Variants in MARS1 observed in about 807,000 individuals in gnomAD.
MARS1 encodes methionine--tRNA ligase, cytoplasmic.
A neutral mutation model predicts 119.5 loss-of-function variants in MARS1; 80 were observed. The observed-to-expected ratio is 0.67, with a 90% confidence interval of 0.56 to 0.81. MARS1 has a LOEUF of 0.81. MARS1 is among the 30% of genes least tolerant of loss of function. The pLI is 0.00. For missense variants in MARS1, 945 were observed against 1,116.5 expected, an observed-to-expected ratio of 0.85 and a Z score of 2.19; for synonymous variants, 418 against 433.4, an observed-to-expected ratio of 0.96 and a Z score of 0.44.
At chr12:57,511,670 A>C in intron 11 of MARS1, 28 bp from the exon 12 acceptor site, 1 of 1,613,316 alleles carries the variant, frequency 6.2e-7, no homozygotes, top group South Asian at 1.1e-5. Flanking sequence ...GACTTTCCTA[A>C]ATCAGCCCTC....
At chr12:57,500,583 C>G in intron 10 of MARS1, 61 bp downstream of exon 10, 10 of 1,489,632 alleles carry the variant, frequency 6.7e-6, no homozygotes, top group Admixed American at 1.9e-5. Context: ...AAGGGACGCC[C>G]TTCCTGTCCC....
intron 7 of MARS1, among the ~76,000 whole-genome samples, chr12:57,493,718 T>TATA (rs1565640882): frequency 6.6e-5 from 1 of 15,068 alleles, no homozygotes; most frequent in African/African-American, 4.6e-4. Flanking sequence ...TATTATATAT[T>TATA]ATATATTATA....
chr12:57,493,828 ATTATATAT>A (rs1431466426), intron 7 of MARS1, among the ~76,000 whole-genome samples: 17 of 1,272 alleles, frequency 0.013, 3 homozygotes, highest in Non-Finnish European at 0.064. Context: ...TATATATTAT[ATTATATAT>A]TATAATATAT....
intron 7 of MARS1, among the ~76,000 whole-genome samples, chr12:57,497,351 G>T (rs1876684309): frequency 6.6e-6 from 1 of 152,186 alleles, no homozygotes; most frequent in Non-Finnish European, 1.5e-5. Context: ...GCAGCAGCTG[G>T]GAAGAAGGGT....
rs1876152850 is a variant in MARS1, at chr12:57,493,446, TATATAATATATTATAATATATA to T, written c.770+2808_770+2829del. Among the ~76,000 whole-genome samples, 2 of 2,558 alleles carry T rather than the reference TATATAATATATTATAATATATA, an allele frequency of 7.8e-4. 1 individual carries two copies. Among genetic ancestry groups the T allele is most frequent in the Non-Finnish European group, 3.2e-3 (2 of 624 alleles). The allele number at this position is 2,558 out of a possible 152,430, so 1.7% of individuals were successfully genotyped here. ...ATGATATGTATAATATATTACATAATATATAATATATTATAATATATAATATATAATATATAATATATAATAT... is the reference window on the plus strand; with the variant it reads ...ATGATATGTATAATATATTACATAATATATATAATATATAATATATAATAT... On this transcript the variant is annotated intron_variant, in intron 7 of 20. Transcript: ENST00000262027.
At chr12:57,488,488 A>T in intron 1 of MARS1, 1 of 1,356,538 alleles carries the variant, frequency 7.4e-7, no homozygotes. Flanking sequence ...ACCTTCTCCT[A>T]CACCTATCAG....
At position 57,511,796 on chromosome 12, in the gene MARS1, C is replaced by T. The variant is rs1363259038; in HGVS notation, c.1467C>T (p.Gly489=). 2 of 1,614,054 alleles carry T rather than the reference C, an allele frequency of 1.2e-6. No homozygotes were observed. The highest frequency in any genetic ancestry group is 1.7e-6 in the Non-Finnish European group (2 of 1,180,042). The change falls in exon 12 of 21, where the codon GGC becomes GGT. Residue 489 remains glycine, a synonymous_variant. Coordinates refer to ENST00000262027, the MANE Select transcript of MARS1 (RefSeq NM_004990.4). ...QFITRSWLRD[G]LKPRCITRDL... ...TCACCCGTTCTTGGCTTCGGGATGGCCTCAAGCCACGCTGCATAACCCGAG... is the reference window on the plus strand; with the variant it reads ...TCACCCGTTCTTGGCTTCGGGATGGTCTCAAGCCACGCTGCATAACCCGAG...
At chr12:57,494,605 T>C (rs1165539518) in intron 7 of MARS1, among the ~76,000 whole-genome samples, 1 of 150,332 alleles carries the variant, frequency 6.7e-6, no homozygotes, top group East Asian at 2.0e-4. Context: ...GGTCAGCAGA[T>C]AAACATGTGA....
intron 1 of MARS1, chr12:57,488,571 C>G (rs778502496): frequency 3.9e-6 from 6 of 1,550,728 alleles, no homozygotes; most frequent in African/African-American, 1.4e-5. Context: ...GGAAATCCCT[C>G]TCTCCCCTCC....
chr12:57,503,307 C>T (rs1003549677), intron 10 of MARS1, among the ~76,000 whole-genome samples: 1 of 150,260 alleles, frequency 6.7e-6, no homozygotes, highest in Non-Finnish European at 1.5e-5. Context: ...GATCTCAGCT[C>T]AGTGCAATCT....
Position 57,501,046 on chromosome 12 carries a change from CTT to C in MARS1, c.1293+525_1293+526del, listed in dbSNP as rs1355448463. ...GAGTGACTTCTGGGGGAAGATCTAA[CTT>C]AGGTAGATAGGGAAGGCCTTTCAGA... On this transcript the variant is annotated intron_variant, in intron 10 of 20. Transcript: ENST00000262027. 2.6e-5 allele frequency among the ~76,000 whole-genome samples: 4 copies of C among 152,288 alleles called. No homozygotes were observed. In the East Asian group the frequency reaches 7.7e-4, roughly 29 times the overall value.
intron 10 of MARS1, among the ~76,000 whole-genome samples, chr12:57,502,859 C>T (rs1876994389): frequency 6.6e-6 from 1 of 151,732 alleles, no homozygotes; most frequent in African/African-American, 2.4e-5. Context: ...AACTCCATCT[C>T]TACTAAAAAT....
At position 57,493,474 on chromosome 12, in the gene MARS1, TAATATATAATATATAATATATTATAATA is replaced by T. The variant is rs1876171948; in HGVS notation, c.770+2831_770+2858del. Among the ~76,000 whole-genome samples, 8 of 838 alleles carry T rather than the reference TAATATATAATATATAATATATTATAATA, an allele frequency of 9.5e-3. 1 individual carries two copies. Among genetic ancestry groups the T allele is most frequent in the African/African-American group, 0.011 (7 of 662 alleles). The allele number at this position is 838 out of a possible 152,430, so 0.5% of individuals were successfully genotyped here. A position where few individuals can be genotyped will look rare whatever the true frequency, so the allele number is the denominator to read the frequency against. ...ATAATATATTATAATATATAATATA[TAATATATAATATATAATATATTATAATA>T]TATAATATATAATATATAATATATT... On this transcript the variant is annotated intron_variant, in intron 7 of 20. Transcript: ENST00000262027.
intron 18 of MARS1, 80 bp downstream of exon 18, chr12:57,515,416 T>C: frequency 7.2e-7 from 1 of 1,389,510 alleles, no homozygotes; most frequent in Non-Finnish European, 9.8e-7. Flanking sequence ...AGACCTAACA[T>C]CTCTCCAGTG....
chr12:57,512,360 A>G lies in MARS1; in HGVS notation c.1753+7A>G, dbSNP rs117914586. On this transcript the variant is annotated splice_region_variant and intron_variant, in intron 14 of 20. Coordinates refer to ENST00000262027, the MANE Select transcript of MARS1 (RefSeq NM_004990.4). Reference sequence around the variant, plus strand: ...AGCCACCTCATTGCTACAGGTAAGTACCCTGGAAGACTACTGATGGGGTGT... The same window carrying G: ...AGCCACCTCATTGCTACAGGTAAGTGCCCTGGAAGACTACTGATGGGGTGT... 9,284 of 1,586,112 alleles carry G rather than the reference A, an allele frequency of 5.9e-3. 37 individuals carry two copies. Among genetic ancestry groups the G allele is most frequent in the Non-Finnish European group, 7.3e-3 (8,427 of 1,154,648 alleles).
intron 11 of MARS1, among the ~76,000 whole-genome samples, chr12:57,509,573 AT>A (rs1166429491): frequency 6.6e-6 from 1 of 151,696 alleles, no homozygotes; most frequent in Non-Finnish European, 1.5e-5. Context: ...CACCCAGCTA[AT>A]TTTTTTTGTA....
chr12:57,508,167 AC>A (rs1224196807), intron 11 of MARS1, among the ~76,000 whole-genome samples: 3 of 151,582 alleles, frequency 2.0e-5, no homozygotes, highest in Non-Finnish European at 4.4e-5. Flanking sequence ...GACACTCCTC[AC>A]TTTCCAGACT....
intron 11 of MARS1, among the ~76,000 whole-genome samples, chr12:57,510,971 G>T (rs909432469): frequency 6.6e-6 from 1 of 152,040 alleles, no homozygotes; most frequent in African/African-American, 2.4e-5. Flanking sequence ...CTACTCAGGA[G>T]GCTGAGGTGG....
rs781535269 is a variant in MARS1 at position 57,489,904 on chromosome 12, A to G, written c.423A>G (p.Glu141=). Reference sequence around the variant, plus strand: ...TTCTATCCCCAACAAAGGAGACAGAATCTCTAGCCGACATTGTTTTGTGGG... The same window carrying G: ...TTCTATCCCCAACAAAGGAGACAGAGTCTCTAGCCGACATTGTTTTGTGGG... ...QNCPFLAGET[E]SLADIVLWGA... Residue 141 remains glutamate (E), a synonymous_variant, in exon 5 of 21, where the codon GAA becomes GAG. Transcript: ENST00000262027. 3 of 1,613,992 alleles carry G rather than the reference A, an allele frequency of 1.9e-6. No individual in the cohort carries two copies. Among genetic ancestry groups the G allele is most frequent in the Non-Finnish European group, 2.5e-6 (3 of 1,179,976 alleles).
Sources: allele counts gnomAD v4.1 joint callset (sites outside exome capture counted in the v4.1 genomes callset), GRCh38; gene constraint gnomAD v4.1.1; transcripts MANE v1.5; gene names NCBI Gene and HGNC (gene_info 2026-07-23, HGNC 2026-07-21).